Variants in ST3GAL3 observed in about 807,000 individuals in gnomAD.
ST3GAL3 encodes ST3 beta-galactoside alpha-2,3-sialyltransferase 3.
A neutral mutation model predicts 50.1 loss-of-function variants in ST3GAL3; 21 were observed. The ratio of observed to expected loss-of-function variants is 0.42; its 90% CI spans 0.30 to 0.60. The LOEUF (loss-of-function observed/expected upper bound fraction) is 0.60, where lower values mean the gene tolerates loss of function less well. ST3GAL3 is among the 20% of genes least tolerant of loss of function. The pLI is 0.19. For missense variants in ST3GAL3, 353 were observed against 489.4 expected (o/e 0.72, Z 2.63); for synonymous variants, 183 against 190.0 (o/e 0.96, Z 0.30).
At position 43,853,420 on chromosome 1, in the gene ST3GAL3, T is replaced by C. The variant is rs78053317; in HGVS notation, c.302+15109T>C. On this transcript the variant is annotated intron_variant, in intron 5 of 11. Coordinates refer to ENST00000347631, the MANE Select transcript of ST3GAL3 (RefSeq NM_006279.5). ...TAACCCTTGTTAGTCCAGTTCTAAA[T>C]ATGAGGAAATAAAGGCATAGAGAAG... Among the ~76,000 whole-genome samples the C allele has an allele frequency of 8.2e-3, 1,253 of 152,278 alleles. 11 individuals carry two copies. The highest frequency in any genetic ancestry group is 0.019 in the South Asian group (91 of 4,824).
At chr1:43,723,361 G>A (rs1308929899) in intron 1 of ST3GAL3, among the ~76,000 whole-genome samples, 6 of 151,852 alleles carry the variant, frequency 4.0e-5, no homozygotes, top group Admixed American at 6.6e-5. Context: ...CACCTGCCTC[G>A]GCCTCCCAAA....
intron 9 of ST3GAL3, among the ~76,000 whole-genome samples, chr1:43,903,700 G>A (rs1053963490): frequency 1.3e-5 from 2 of 152,188 alleles, no homozygotes; most frequent in African/African-American, 4.8e-5. Flanking sequence ...GGCCAGCCAA[G>A]GCCCCACATT....
intron 5 of ST3GAL3, among the ~76,000 whole-genome samples, chr1:43,881,488 G>A (rs1359949594): frequency 6.6e-6 from 1 of 152,228 alleles, no homozygotes; most frequent in African/African-American, 2.4e-5. Context: ...TGAGGCAGGG[G>A]CGCCTGCCTG....
intron 9 of ST3GAL3, among the ~76,000 whole-genome samples, chr1:43,914,907 C>T (rs545589736): frequency 6.6e-6 from 1 of 152,172 alleles, no homozygotes; most frequent in Non-Finnish European, 1.5e-5. Context: ...CTCAGCTATG[C>T]CTAAGGTCTT....
At chr1:43,791,421 T>A (rs72678699) in intron 2 of ST3GAL3, among the ~76,000 whole-genome samples, 47 of 107,234 alleles carry the variant, frequency 4.4e-4, no homozygotes, top group South Asian at 3.1e-3. Context: ...GGACATTTGA[T>A]TGAATGAATG....
intron 5 of ST3GAL3, chr1:43,858,152 C>T (rs776446216): frequency 7.8e-7 from 1 of 1,289,396 alleles, no homozygotes; most frequent in South Asian, 1.2e-5. Flanking sequence ...AGAAATGGTG[C>T]ATGGAGACAA....
At chr1:43,792,571 C>T (rs975011795) in intron 3 of ST3GAL3, among the ~76,000 whole-genome samples, 7 of 152,202 alleles carry the variant, frequency 4.6e-5, no homozygotes, top group Non-Finnish European at 8.8e-5. Flanking sequence ...TGAGGACATA[C>T]ACTCCATTGC....
intron 9 of ST3GAL3, among the ~76,000 whole-genome samples, chr1:43,917,451 A>G (rs61770291): frequency 0.29 from 10,241 of 35,098 alleles, 746 homozygotes; most frequent in South Asian, 0.51. Context: ...ATAATATATA[A>G]TATATAATAT....
At chr1:43,852,901 A>G (rs2067611976) in intron 5 of ST3GAL3, among the ~76,000 whole-genome samples, 6 of 152,230 alleles carry the variant, frequency 3.9e-5, no homozygotes. Flanking sequence ...CACTTAATTA[A>G]GTGAATTCTG....
chr1:43,897,739 G>A (rs72888764), intron 6 of ST3GAL3, among the ~76,000 whole-genome samples: 2,017 of 152,302 alleles, frequency 0.013, 50 homozygotes, highest in African/African-American at 0.046. Flanking sequence ...TGAGGGAAAG[G>A]TGATGTCAGA....
intron 2 of ST3GAL3, among the ~76,000 whole-genome samples, chr1:43,747,907 G>A (rs938403733): frequency 2.6e-5 from 4 of 151,934 alleles, no homozygotes; most frequent in African/African-American, 7.2e-5. Context: ...TGGAGGATTC[G>A]TTACGTATGC....
At chr1:43,888,338 A>AAAT (rs1553432759) in intron 5 of ST3GAL3, among the ~76,000 whole-genome samples, 10 of 152,128 alleles carry the variant, frequency 6.6e-5, no homozygotes, top group African/African-American at 2.4e-4. Context: ...ATTTGACTTA[A>AAAT]AACAACAACA....
chr1:43,734,360 A>G (rs1322818120), intron 1 of ST3GAL3, among the ~76,000 whole-genome samples: 1 of 134,298 alleles, frequency 7.4e-6, no homozygotes, highest in East Asian at 2.5e-4. Context: ...GCTGGAGTAC[A>G]GTGGCACGCT....
intron 2 of ST3GAL3, among the ~76,000 whole-genome samples, chr1:43,776,303 A>C (rs1445053125): frequency 3.3e-5 from 5 of 152,182 alleles, no homozygotes; most frequent in African/African-American, 1.2e-4. Flanking sequence ...TATAAATAGA[A>C]CCATATAATA....
intron 5 of ST3GAL3, among the ~76,000 whole-genome samples, chr1:43,859,532 C>T (rs1267488163): frequency 3.3e-5 from 5 of 151,854 alleles, no homozygotes; most frequent in Non-Finnish European, 7.4e-5. Context: ...GCACTCCAGC[C>T]TGGGCGACAG....
At chr1:43,815,123 G>A in intron 4 of ST3GAL3, 190 bp downstream of exon 4, 1 of 667,714 alleles carries the variant, frequency 1.5e-6, no homozygotes. Flanking sequence ...TGGGATGATG[G>A]GTGCAAACAT....
At chr1:43,877,395 C>T (rs2154252857) in intron 5 of ST3GAL3, among the ~76,000 whole-genome samples, 1 of 152,228 alleles carries the variant, frequency 6.6e-6, no homozygotes, top group South Asian at 2.1e-4. Flanking sequence ...TCTCACTTCC[C>T]TGCAGAGAAA....
At chr1:43,756,564 G>A (rs112134554) in intron 2 of ST3GAL3, among the ~76,000 whole-genome samples, 7 of 131,878 alleles carry the variant, frequency 5.3e-5, no homozygotes, top group African/African-American at 8.5e-5. Context: ...ACACACACAC[G>A]CACGCACACA....
At chr1:43,765,792 CGCGCGCGCGTCCGCGCGT>C (rs1558203556) in intron 2 of ST3GAL3, among the ~76,000 whole-genome samples, 4 of 146,706 alleles carry the variant, frequency 2.7e-5, no homozygotes, top group African/African-American at 1.1e-4. Flanking sequence ...TGTGCGCGCG[CGCGCGCGCGTCCGCGCGT>C]CCGCGTGCGC....
Sources: gnomAD v4.1 joint callset for allele counts (sites outside exome capture counted in the v4.1 genomes callset) on GRCh38, gnomAD v4.1.1 for gene constraint, MANE v1.5 for transcripts, NCBI Gene and HGNC (gene_info 2026-07-23, HGNC 2026-07-21) for gene names.